TMEM62: variants seen among roughly 807,000 people sequenced by gnomAD.
TMEM62 encodes transmembrane protein 62.
In TMEM62, 41 loss-of-function variants were observed where a neutral mutation model predicts 70.4. The ratio of observed to expected loss-of-function variants is 0.58; its 90% CI spans 0.45 to 0.76. The LOEUF (loss-of-function observed/expected upper bound fraction) is 0.76. Among genes scored for constraint, TMEM62 ranks in the 30% least tolerant of loss-of-function variants. The pLI is 0.00. For synonymous variants in TMEM62, 268 were observed against 291.0 expected, an observed-to-expected ratio of 0.92 and a Z score of 0.80; for missense variants, 688 against 788.5, an observed-to-expected ratio of 0.87 and a Z score of 1.53.
intron 5 of TMEM62, 94 bp from the exon 6 acceptor site, chr15:43,148,661 T>A: frequency 7.0e-7 from 1 of 1,424,478 alleles, no homozygotes; most frequent in South Asian, 1.3e-5. Flanking sequence ...ATATAATAAT[T>A]ATTATAAATC....
Position 43,133,781 on chromosome 15 carries a change from C to A in TMEM62, c.-22C>A. On this transcript the variant is annotated 5_prime_UTR_variant, in exon 1 of 14. Transcript: ENST00000260403. Reference sequence around the variant, plus strand: ...GGTCCTGCGCGGGATCAGCGAGGGCCGCGCCCCGGCGGGCGGGCGGCATGG... The same window carrying A: ...GGTCCTGCGCGGGATCAGCGAGGGCAGCGCCCCGGCGGGCGGGCGGCATGG... 7.4e-7 allele frequency: 1 copy of A among 1,348,266 alleles called. No individual in the cohort carries two copies. The highest frequency in any genetic ancestry group is 1.9e-5 in the South Asian group (1 of 52,064). The allele number at this position is 1,348,266 out of a possible 1,614,324, so 83.5% of individuals were successfully genotyped here.
At position 43,138,451 on chromosome 15, in the gene TMEM62, C is replaced by T. The variant is rs1596192421; in HGVS notation, c.431-123C>T. The T allele has an allele frequency of 9.1e-6, 7 of 771,606 alleles. No individual in the cohort carries two copies. In the East Asian group the frequency reaches 1.6e-4, roughly 17 times the overall value. The allele number at this position is 771,606 out of a possible 1,614,324, so 47.8% of individuals were successfully genotyped here. A position where few individuals can be genotyped will look rare whatever the true frequency, so the allele number is the denominator to read the frequency against. The stretch of plus-strand genomic sequence containing the variant: ...TGAATAATAAATGGAACGGCTCTAC[C>T]CTGGGGGTGTGTGTGGAAGAATTGT... On this transcript the variant is annotated intron_variant, in intron 3 of 13. Coordinates refer to ENST00000260403, the MANE Select transcript of TMEM62 (RefSeq NM_024956.4).
chr15:43,135,851 C>CT (rs1033820206), intron 3 of TMEM62: 4 of 485,086 alleles, frequency 8.2e-6, no homozygotes, highest in Non-Finnish European at 1.0e-5. Context: ...TGGTATGGTC[C>CT]TTTTTTTGTG....
intron 11 of TMEM62, among the ~76,000 whole-genome samples, chr15:43,177,517 C>T (rs1252007414): frequency 6.6e-6 from 1 of 152,034 alleles, no homozygotes; most frequent in Non-Finnish European, 1.5e-5. Context: ...ACCCAAAAGA[C>T]TATAAATCAT....
intron 3 of TMEM62, among the ~76,000 whole-genome samples, chr15:43,138,239 G>A (rs757709487): frequency 6.6e-6 from 1 of 152,164 alleles, no homozygotes; most frequent in Non-Finnish European, 1.5e-5. Context: ...CTAGAGAGAT[G>A]GGCCATGGTG....
chr15:43,152,054 TCAA>T, intron 8 of TMEM62, 109 bp downstream of exon 8: 1 of 691,542 alleles, frequency 1.4e-6, no homozygotes. Context: ...TTTAGTTTTC[TCAA>T]CAACCTAAAC....
At chr15:43,175,392 A>C (rs2142039118) in intron 11 of TMEM62, among the ~76,000 whole-genome samples, 1 of 152,318 alleles carries the variant, frequency 6.6e-6, no homozygotes, top group South Asian at 2.1e-4. Flanking sequence ...TCTTTCATTG[A>C]GACTAGTCCT....
intron 4 of TMEM62, among the ~76,000 whole-genome samples, chr15:43,143,744 A>C (rs138433748): frequency 6.6e-6 from 1 of 152,332 alleles, no homozygotes; most frequent in Non-Finnish European, 1.5e-5. Flanking sequence ...AAATGTGAAA[A>C]GGCAAGGGAT....
chr15:43,169,920 C>G, intron 11 of TMEM62: 1 of 332,616 alleles, frequency 3.0e-6, no homozygotes, highest in Non-Finnish European at 5.4e-6. Context: ...GTATGCATTG[C>G]TTCGGCCCCA....
chr15:43,173,247 T>G (rs2040390873), intron 11 of TMEM62, among the ~76,000 whole-genome samples: 1 of 152,238 alleles, frequency 6.6e-6, no homozygotes, highest in African/African-American at 2.4e-5. Flanking sequence ...CTTTTCCTTT[T>G]GAGAGGTCAC....
At chr15:43,178,344 A>G (rs947269995) in intron 11 of TMEM62, among the ~76,000 whole-genome samples, 40 of 152,214 alleles carry the variant, frequency 2.6e-4, no homozygotes, top group African/African-American at 9.6e-4. Flanking sequence ...ATATATAACA[A>G]TTATGTATCT....
chr15:43,184,321 T>G lies in TMEM62; in HGVS notation c.1667T>G (p.Phe556Cys). 1 of 1,614,210 alleles carries G rather than the reference T, an allele frequency of 6.2e-7. No individual in the cohort carries two copies. Among genetic ancestry groups the G allele is most frequent in the Non-Finnish European group, 8.5e-7 (1 of 1,180,034 alleles). Reference protein sequence around the residue: ...YMCWSLLQRCFGHNFRSHLHQ... With the variant: ...YMCWSLLQRCCGHNFRSHLHQ... ...TGTTGGAGCTTGCTGCAGCGGTGCT[T>G]TGGTCACAACTTCAGGTCTCATCTC... Residue 556 changes from phenylalanine (F) to cysteine (C), a missense_variant, in exon 14 of 14, where the codon TTT becomes TGT. Physicochemically the swap from Phe to Cys is radical, Grantham distance 205. Coordinates refer to ENST00000260403, the MANE Select transcript of TMEM62 (RefSeq NM_024956.4).
At chr15:43,141,126 C>T (rs1025940861) in intron 4 of TMEM62, among the ~76,000 whole-genome samples, 7 of 152,230 alleles carry the variant, frequency 4.6e-5, no homozygotes, top group African/African-American at 1.7e-4. Flanking sequence ...TGCCCCATCT[C>T]ATCCTCAGTC....
intron 9 of TMEM62, 100 bp downstream of exon 9, chr15:43,154,931 T>A: frequency 6.3e-6 from 7 of 1,116,982 alleles, no homozygotes; most frequent in African/African-American, 1.6e-5. Flanking sequence ...AAACCATGTT[T>A]AAAAAAAAAC....
chr15:43,153,182 C>A (rs1442334747), intron 8 of TMEM62, among the ~76,000 whole-genome samples: 2 of 152,026 alleles, frequency 1.3e-5, no homozygotes, highest in Non-Finnish European at 2.9e-5. Context: ...AATTTGAATT[C>A]TTTTATGACT....
intron 8 of TMEM62, among the ~76,000 whole-genome samples, chr15:43,153,150 G>C (rs1029465837): frequency 5.3e-5 from 8 of 152,084 alleles, no homozygotes; most frequent in Non-Finnish European, 1.2e-4. Context: ...AAGAGTTCTA[G>C]AAGTGGGATT....
intron 7 of TMEM62, among the ~76,000 whole-genome samples, chr15:43,150,652 C>A (rs1046925858): frequency 2.6e-5 from 4 of 152,206 alleles, no homozygotes; most frequent in Non-Finnish European, 5.9e-5. Context: ...TGAGTCAGAA[C>A]AACTCTTATC....
At chr15:43,184,204 T>G in intron 13 of TMEM62, 56 bp from the exon 14 acceptor site, 1 of 1,492,216 alleles carries the variant, frequency 6.7e-7, no homozygotes, top group South Asian at 1.3e-5. Flanking sequence ...AATGCATTAT[T>G]AAGACCAAAC....
intron 8 of TMEM62, among the ~76,000 whole-genome samples, chr15:43,152,468 C>T (rs1025052415): frequency 1.3e-5 from 2 of 152,152 alleles, no homozygotes; most frequent in East Asian, 1.9e-4. Context: ...GATCTTGGCT[C>T]ACTGCAACCA....
Sources: allele counts gnomAD v4.1 joint callset (sites outside exome capture counted in the v4.1 genomes callset), GRCh38; gene constraint gnomAD v4.1.1; transcripts MANE v1.5; gene names NCBI Gene and HGNC (gene_info 2026-07-23, HGNC 2026-07-21).